EDA: variants seen among roughly 807,000 people sequenced by gnomAD.
EDA encodes the protein ectodysplasin-A.
A neutral mutation model predicts 23.6 loss-of-function variants in EDA; 2 were observed. The ratio of observed to expected loss-of-function variants is 0.08; its 90% CI spans 0.03 to 0.27. The LOEUF (loss-of-function observed/expected upper bound fraction) is 0.27. Among genes scored for constraint, EDA ranks in the 10% least tolerant of loss-of-function variants. The pLI is 1.00. For missense variants in EDA, 229 were observed against 324.2 expected (o/e 0.71, Z 2.26); for synonymous variants, 131 against 132.0 (o/e 0.99, Z 0.05).
intron 1 of EDA, among the ~76,000 whole-genome samples, chrX:69,879,405 A>G (rs774591180): frequency 1.8e-5 from 2 of 111,461 alleles, no homozygotes; most frequent in African/African-American, 3.3e-5. Flanking sequence ...TCACTACTTT[A>G]TCTGCGTCCA....
chrX:69,699,759 G>A (rs1332124058), intron 1 of EDA, among the ~76,000 whole-genome samples: 2 of 110,572 alleles, frequency 1.8e-5, no homozygotes, highest in East Asian at 2.9e-4. Flanking sequence ...AAGTGAGGAC[G>A]GGGGCTGAGA....
chrX:69,698,540 G>T (rs2011434960), intron 1 of EDA, among the ~76,000 whole-genome samples: 1 of 111,842 alleles, frequency 8.9e-6, no homozygotes, highest in Admixed American at 9.5e-5. Flanking sequence ...TTCCCGAGTG[G>T]CTCAGAGTCT....
intron 2 of EDA, among the ~76,000 whole-genome samples, chrX:69,968,825 G>A (rs1386862634): frequency 8.9e-6 from 1 of 112,143 alleles, no homozygotes; most frequent in African/African-American, 3.2e-5. Flanking sequence ...TACCTTCCTT[G>A]TGTAAGACTC....
intron 1 of EDA, among the ~76,000 whole-genome samples, chrX:69,649,217 T>A (rs1933023260): frequency 8.9e-6 from 1 of 112,391 alleles, no homozygotes; most frequent in African/African-American, 3.2e-5. Context: ...CCTCCCATAT[T>A]TTTAGATTCT....
intron 1 of EDA, among the ~76,000 whole-genome samples, chrX:69,869,243 C>A (rs1404126048): frequency 1.8e-5 from 2 of 110,498 alleles, no homozygotes; most frequent in East Asian, 5.7e-4. Context: ...GTCTGGGGAC[C>A]CACTGGACCC....
chrX:69,735,891 ACTTTT>A (rs1301583406), intron 1 of EDA, among the ~76,000 whole-genome samples: 1 of 111,110 alleles, frequency 9.0e-6, no homozygotes. Flanking sequence ...CACAGGGACC[ACTTTT>A]CTTGTTTATT....
At chrX:69,655,193 C>T (rs1210291974) in intron 1 of EDA, among the ~76,000 whole-genome samples, 4 of 111,316 alleles carry the variant, frequency 3.6e-5, no homozygotes, top group Non-Finnish European at 7.5e-5. Flanking sequence ...GTCGGGAGTT[C>T]GAGACCAGCC....
At chrX:69,930,453 C>A (rs1222319451) in intron 1 of EDA, among the ~76,000 whole-genome samples, 1 of 108,948 alleles carries the variant, frequency 9.2e-6, no homozygotes. Flanking sequence ...AAGTATTTAA[C>A]AAAATCCAAT....
chrX:69,688,089 C>G (rs1934600708), intron 1 of EDA, among the ~76,000 whole-genome samples: 1 of 111,359 alleles, frequency 9.0e-6, no homozygotes, highest in Non-Finnish European at 1.9e-5. Flanking sequence ...TTTCACTGCC[C>G]TGGGAAAAAG....
chrX:69,733,290 A>T (rs2013112308), intron 1 of EDA, among the ~76,000 whole-genome samples: 1 of 112,110 alleles, frequency 8.9e-6, no homozygotes, highest in Non-Finnish European at 1.9e-5. Context: ...AGGTGTAAGG[A>T]AGGGATCCAG....
At chrX:69,851,717 A>G (rs1037003161) in intron 1 of EDA, among the ~76,000 whole-genome samples, 1 of 111,988 alleles carries the variant, frequency 8.9e-6, no homozygotes, top group African/African-American at 3.2e-5. Context: ...TACAACTGGA[A>G]ATGAAGGCAG....
At chrX:69,713,163 G>A (rs911386454) in intron 1 of EDA, among the ~76,000 whole-genome samples, 3 of 111,646 alleles carry the variant, frequency 2.7e-5, no homozygotes, top group African/African-American at 6.5e-5. Context: ...GTATACATAC[G>A]TAACAAACCT....
At chrX:69,654,561 C>T (rs1447784487) in intron 1 of EDA, among the ~76,000 whole-genome samples, 7 of 111,715 alleles carry the variant, frequency 6.3e-5, no homozygotes, top group African/African-American at 2.0e-4. Context: ...TGTCCAACAA[C>T]GATAGACTGG....
intron 1 of EDA, among the ~76,000 whole-genome samples, chrX:69,828,543 C>T (rs1237987526): frequency 2.7e-5 from 3 of 112,232 alleles, no homozygotes; most frequent in Non-Finnish European, 5.6e-5. Context: ...GAGGCAATGC[C>T]TCCCCTTGCT....
chrX:69,945,211 C>T (rs1320808885), intron 1 of EDA, among the ~76,000 whole-genome samples: 1 of 111,902 alleles, frequency 8.9e-6, no homozygotes, highest in Non-Finnish European at 1.9e-5. Flanking sequence ...GATGTTCCTG[C>T]AAGGGGAGGG....
chrX:69,838,116 G>A (rs773933415), intron 1 of EDA, among the ~76,000 whole-genome samples: 12 of 112,421 alleles, frequency 1.1e-4, no homozygotes, highest in Non-Finnish European at 1.7e-4. Context: ...GTAAAGAACA[G>A]GCTGTCCCTT....
intron 1 of EDA, among the ~76,000 whole-genome samples, chrX:69,661,892 A>G (rs1484975888): frequency 8.9e-6 from 1 of 112,166 alleles, no homozygotes; most frequent in Non-Finnish European, 1.9e-5. Context: ...GGATACATAT[A>G]CATAGTAAAA....
chrX:70,028,023 C>T lies in EDA; in HGVS notation c.693C>T (p.Leu231=). The T allele has an allele frequency of 2.5e-6, 3 of 1,182,275 alleles. No individual in the cohort carries two copies. The highest frequency in any genetic ancestry group is 3.4e-6 in the Non-Finnish European group (3 of 884,151). Residue 231 remains leucine, a synonymous_variant, in exon 4 of 8, where the codon CTC becomes CTT. Transcript: ENST00000374552. ...GPPGPQGPPG[L]QGPSGAADKA... Reference sequence around the variant, plus strand: ...CTGGTCCTCAAGGACCCCCTGGCCTCCAGGGACCTTCTGGTGAGTTCCCCT... The same window carrying T: ...CTGGTCCTCAAGGACCCCCTGGCCTTCAGGGACCTTCTGGTGAGTTCCCCT...
chrX:69,970,859 C>T (rs2147438680), intron 2 of EDA, among the ~76,000 whole-genome samples: 1 of 111,839 alleles, frequency 8.9e-6, no homozygotes, highest in East Asian at 2.8e-4. Context: ...AGGTGTTAAA[C>T]TGTGCATAAC....
Sources: allele counts gnomAD v4.1 joint callset (sites outside exome capture counted in the v4.1 genomes callset), GRCh38; gene constraint gnomAD v4.1.1; transcripts MANE v1.5; gene names NCBI Gene and HGNC (gene_info 2026-07-23, HGNC 2026-07-21).